Variants in KCNIP1 observed in about 807,000 individuals in gnomAD.
The protein encoded by KCNIP1 is potassium voltage-gated channel interacting protein 1.
KCNIP1 carries 18 observed loss-of-function variants against 33.0 expected under a neutral mutation model. The ratio of observed to expected loss-of-function variants is 0.55; its 90% confidence interval spans 0.38 to 0.81. KCNIP1 has a LOEUF of 0.81. Among genes scored for constraint, KCNIP1 ranks in the 30% least tolerant of loss-of-function variants. The probability of loss-of-function intolerance (pLI) is 0.00; values close to 1 mark genes in which losing one functional copy is unlikely to be tolerated. For missense variants in KCNIP1, 238 were observed against 271.6 expected (o/e 0.88, Z 0.87); for synonymous variants, 93 against 98.3 (o/e 0.95, Z 0.32).
At chr5:170,691,846 C>T (rs573083082) in intron 1 of KCNIP1, among the ~76,000 whole-genome samples, 12 of 142,596 alleles carry the variant, frequency 8.4e-5, no homozygotes, top group Admixed American at 3.4e-4. Flanking sequence ...CTGGAGGGGG[C>T]GCCGAAACAC....
intron 1 of KCNIP1, among the ~76,000 whole-genome samples, chr5:170,357,865 C>A (rs1763389205): frequency 6.6e-6 from 1 of 152,194 alleles, no homozygotes; most frequent in Non-Finnish European, 1.5e-5. Context: ...CTCTGCTCAA[C>A]TTGTTTTCTT....
intron 1 of KCNIP1, among the ~76,000 whole-genome samples, chr5:170,584,654 G>A (rs762039129): frequency 3.3e-5 from 5 of 152,192 alleles, no homozygotes; most frequent in Non-Finnish European, 5.9e-5. Context: ...AGGTCACAGT[G>A]ACAAGGACAG....
rs1561685276 is a variant in KCNIP1, at chr5:170,556,834, T to C, written c.61+52201T>C. Among the ~76,000 whole-genome samples, 3 of 152,364 alleles carry C rather than the reference T, an allele frequency of 2.0e-5. No homozygotes were observed. The East Asian group carries it at 5.8e-4, about 29-fold the overall frequency. ...GCACCAGAGTATTTCTAGACCCTCA[T>C]TCTGCAGTCAGCTCTAGCTGCCACA... On this transcript the variant is annotated intron_variant, in intron 1 of 7. Coordinates refer to ENST00000328939, the MANE Select transcript of KCNIP1 (RefSeq NM_014592.4).
upstream of KCNIP1, among the ~76,000 whole-genome samples, chr5:170,503,393 C>CAAAAAA (rs10628243): frequency 1.8e-5 from 2 of 112,522 alleles, no homozygotes; most frequent in Admixed American, 9.1e-5. Context: ...GACTCCGTCT[C>CAAAAAA]AAAAAAAAAA....
chr5:170,491,453 C>T (rs772861096), intron 1 of KCNIP1, among the ~76,000 whole-genome samples: 1 of 152,174 alleles, frequency 6.6e-6, no homozygotes, highest in African/African-American at 2.4e-5. Context: ...ATCTCCCACC[C>T]CTCTAACAGG....
chr5:170,655,268 G>C (rs558689711), intron 1 of KCNIP1, among the ~76,000 whole-genome samples: 1 of 151,914 alleles, frequency 6.6e-6, no homozygotes, highest in African/African-American at 2.4e-5. Flanking sequence ...ATTAATATTC[G>C]GGGCCCTGTT....
chr5:170,660,062 A>G (rs779591359), intron 1 of KCNIP1, among the ~76,000 whole-genome samples: 2 of 152,150 alleles, frequency 1.3e-5, no homozygotes, highest in Non-Finnish European at 2.9e-5. Flanking sequence ...AGCTCATCTC[A>G]AGGTATCTCT....
intron 1 of KCNIP1, among the ~76,000 whole-genome samples, chr5:170,479,138 TG>T (rs1242040973): frequency 6.6e-6 from 1 of 152,258 alleles, no homozygotes; most frequent in Non-Finnish European, 1.5e-5. Flanking sequence ...TGTCACTAGC[TG>T]GAGGCGCTGA....
chr5:170,721,817 C>T lies in KCNIP1; in HGVS notation c.257-16C>T. ...ATTCCTGCCCCCATCACCTGCCCTC[C>T]TTTTCTGCCTTGTAGATGCCAGCAC... On this transcript the variant is annotated splice_polypyrimidine_tract_variant and intron_variant, in intron 3 of 7. Transcript: ENST00000328939. The T allele has an allele frequency of 6.2e-7, 1 of 1,614,174 alleles. No homozygotes were observed. Among genetic ancestry groups the T allele is most frequent in the Non-Finnish European group, 8.5e-7 (1 of 1,180,020 alleles).
intron 1 of KCNIP1, among the ~76,000 whole-genome samples, chr5:170,590,785 T>C (rs1351331406): frequency 6.6e-6 from 1 of 152,238 alleles, no homozygotes; most frequent in African/African-American, 2.4e-5. Flanking sequence ...AGTTTACTTC[T>C]CGTTGCCATG....
chr5:170,702,584 A>G (rs541494701), intron 1 of KCNIP1, among the ~76,000 whole-genome samples: 1 of 152,334 alleles, frequency 6.6e-6, no homozygotes, highest in East Asian at 1.9e-4. Context: ...TGTCAAGTAC[A>G]GAAAGTGAAG....
At chr5:170,441,809 G>T (rs889527766) in intron 1 of KCNIP1, among the ~76,000 whole-genome samples, 52 of 152,056 alleles carry the variant, frequency 3.4e-4, no homozygotes, top group African/African-American at 1.2e-3. Flanking sequence ...AAAACTAGCT[G>T]GGCATGGTGG....
intron 1 of KCNIP1, among the ~76,000 whole-genome samples, chr5:170,577,970 G>A (rs115196725): frequency 0.019 from 2,915 of 152,250 alleles, 83 homozygotes; most frequent in African/African-American, 0.06. Flanking sequence ...TAAAAAAAAT[G>A]TGTCAATGAA....
At chr5:170,705,938 C>A (rs1252521693) in intron 1 of KCNIP1, among the ~76,000 whole-genome samples, 1 of 152,158 alleles carries the variant, frequency 6.6e-6, no homozygotes. Flanking sequence ...ATCTTACATA[C>A]CTTATCTCAC....
intron 1 of KCNIP1, among the ~76,000 whole-genome samples, chr5:170,469,862 C>T (rs1488135845): frequency 6.6e-6 from 1 of 152,178 alleles, no homozygotes; most frequent in Non-Finnish European, 1.5e-5. Flanking sequence ...AAAACCTATA[C>T]TCTTGCAGAA....
intron 1 of KCNIP1, among the ~76,000 whole-genome samples, chr5:170,668,615 T>C (rs1374359621): frequency 6.6e-6 from 1 of 152,218 alleles, no homozygotes; most frequent in African/African-American, 2.4e-5. Flanking sequence ...CATGCTTGGC[T>C]CAGGTTCCAG....
intron 1 of KCNIP1, among the ~76,000 whole-genome samples, chr5:170,633,924 G>A (rs568486501): frequency 6.6e-6 from 1 of 152,268 alleles, no homozygotes; most frequent in East Asian, 1.9e-4. Context: ...CAGGGCCAAG[G>A]GCAGAGTGTG....
At chr5:170,527,133 A>G (rs74451899) in intron 1 of KCNIP1, among the ~76,000 whole-genome samples, 3,377 of 152,090 alleles carry the variant, frequency 0.022, 63 homozygotes, top group Non-Finnish European at 0.036. Context: ...ACCTTTCTCC[A>G]TGCTCCAAAA....
intron 1 of KCNIP1, among the ~76,000 whole-genome samples, chr5:170,358,878 G>T (rs529851405): frequency 2.0e-5 from 3 of 152,244 alleles, no homozygotes; most frequent in East Asian, 3.9e-4. Flanking sequence ...CCAAGACAAG[G>T]TACATTCCTC....
Sources: gnomAD v4.1 joint callset for allele counts (sites outside exome capture counted in the v4.1 genomes callset) on GRCh38, gnomAD v4.1.1 for gene constraint, MANE v1.5 for transcripts, NCBI Gene and HGNC (gene_info 2026-07-23, HGNC 2026-07-21) for gene names.